Variants in PRSS23 observed in about 807,000 individuals in gnomAD.
The protein encoded by PRSS23 is protease, serine 23.
In PRSS23, 25 loss-of-function variants were observed where a neutral mutation model predicts 34.7. That is an observed-to-expected ratio of 0.72 (90% CI 0.53 to 1.01). PRSS23 has a LOEUF of 1.01. Ranked by LOEUF, PRSS23 falls within the 50% of genes least tolerant of loss-of-function variation. The probability of loss-of-function intolerance (pLI) is 0.00; values close to 1 mark genes in which losing one functional copy is unlikely to be tolerated. For synonymous variants in PRSS23, 176 were observed against 186.6 expected (o/e 0.94, Z 0.46); for missense variants, 445 against 475.6 (o/e 0.94, Z 0.60).
chr11:86,904,213 G>T (rs530254427), intron 2 of PRSS23, among the ~76,000 whole-genome samples: 2 of 152,252 alleles, frequency 1.3e-5, no homozygotes, highest in Non-Finnish European at 2.9e-5. Flanking sequence ...GACAACATGG[G>T]TGCTGTGTAT....
At chr11:86,952,102 G>T (rs1201894683) in exon 3 of PRSS23, 3 of 1,613,938 alleles carry the variant, frequency 1.9e-6, no homozygotes, top group East Asian at 4.5e-5. Flanking sequence ...AGATATCAGT[G>T]AACTCCTTGG....
chr11:86,919,328 C>T (rs903300298), intron 2 of PRSS23, among the ~76,000 whole-genome samples: 28 of 152,224 alleles, frequency 1.8e-4, no homozygotes, highest in Non-Finnish European at 3.7e-4. Flanking sequence ...CTTTTCTATT[C>T]GGGTATTCAA....
chr11:86,897,993 C>T (rs751076106), intron 2 of PRSS23, among the ~76,000 whole-genome samples: 4 of 152,134 alleles, frequency 2.6e-5, no homozygotes, highest in Non-Finnish European at 5.9e-5. Context: ...GACTCTACTT[C>T]GAATCAGATG....
intron 2 of PRSS23, among the ~76,000 whole-genome samples, chr11:86,848,234 A>G (rs1310856662): frequency 6.6e-6 from 1 of 152,242 alleles, no homozygotes; most frequent in East Asian, 1.9e-4. Context: ...GAGAGATATC[A>G]TGTTACTTCT....
At chr11:86,939,740 G>A (rs1949194549) in intron 2 of PRSS23, among the ~76,000 whole-genome samples, 1 of 145,596 alleles carries the variant, frequency 6.9e-6, no homozygotes, top group Non-Finnish European at 1.5e-5. Context: ...AAATCCAAAA[G>A]GAAGGTCTGT....
intron 1 of PRSS23, among the ~76,000 whole-genome samples, chr11:86,820,773 G>T (rs1221693498): frequency 6.6e-6 from 1 of 152,112 alleles, no homozygotes; most frequent in South Asian, 2.1e-4. Context: ...TACCTCTTTA[G>T]TAAAGGGCTT....
upstream of PRSS23, among the ~76,000 whole-genome samples, chr11:86,797,254 T>C (rs1947987170): frequency 6.6e-6 from 1 of 152,204 alleles, no homozygotes; most frequent in Non-Finnish European, 1.5e-5. Context: ...GGGAGGGAAA[T>C]GGGACGAGTA....
intron 2 of PRSS23, among the ~76,000 whole-genome samples, chr11:86,834,615 A>G (rs1226016493): frequency 2.3e-5 from 2 of 86,612 alleles, no homozygotes; most frequent in African/African-American, 9.4e-5. Context: ...TTCCTTTCCT[A>G]TGACTCCGGC....
intron 2 of PRSS23, among the ~76,000 whole-genome samples, chr11:86,883,017 G>A (rs1417256823): frequency 2.6e-5 from 4 of 152,150 alleles, no homozygotes; most frequent in Admixed American, 2.0e-4. Flanking sequence ...GGAAGTATCT[G>A]TTCATGGCCT....
At chr11:86,820,545 T>A (rs1399263297) in intron 1 of PRSS23, among the ~76,000 whole-genome samples, 1 of 152,202 alleles carries the variant, frequency 6.6e-6, no homozygotes, top group Non-Finnish European at 1.5e-5. Context: ...AAGTATGTTA[T>A]ACTTTATGTA....
intron 2 of PRSS23, among the ~76,000 whole-genome samples, chr11:86,866,017 G>A (rs1234822215): frequency 1.3e-5 from 2 of 152,100 alleles, no homozygotes; most frequent in Non-Finnish European, 2.9e-5. Context: ...CATATTGCTG[G>A]AACAAGAGAC....
rs1422970466 is a variant in PRSS23, at chr11:86,832,799, T to C, written c.206+9206T>C. 4 of 292,830 alleles carry C rather than the reference T, an allele frequency of 1.4e-5. No homozygotes were observed. In the South Asian group the frequency reaches 1.4e-4, roughly 10 times the overall value. The allele number at this position is 292,830 out of a possible 1,614,324, so 18.1% of individuals were successfully genotyped here. The stretch of plus-strand genomic sequence containing the variant: ...ACTCAGCATGGAGGAAACAATTTTA[T>C]AGTAAGAGAAAATGATCCGTGAGAT... On this transcript the variant is annotated intron_variant, in intron 2 of 2. Transcript: ENST00000533902.
chr11:86,854,157 C>T (rs191239741), intron 2 of PRSS23, among the ~76,000 whole-genome samples: 3 of 152,254 alleles, frequency 2.0e-5, no homozygotes, highest in African/African-American at 7.2e-5. Flanking sequence ...TCTGCCACCA[C>T]GCCTGGCTAA....
At chr11:86,913,763 C>A (rs912939798) in intron 2 of PRSS23, among the ~76,000 whole-genome samples, 1 of 151,300 alleles carries the variant, frequency 6.6e-6, no homozygotes, top group African/African-American at 2.5e-5. Context: ...AGAGGGGAGG[C>A]AATGATCTTG....
At chr11:86,943,725 T>C (rs1949221462) in intron 2 of PRSS23, among the ~76,000 whole-genome samples, 1 of 152,152 alleles carries the variant, frequency 6.6e-6, no homozygotes, top group African/African-American at 2.4e-5. Flanking sequence ...ACAAACTGGG[T>C]GGCCAAAGGC....
intron 2 of PRSS23, chr11:86,947,011 C>T (rs1042118051): frequency 1.3e-5 from 2 of 152,344 alleles, no homozygotes; most frequent in African/African-American, 4.8e-5. Flanking sequence ...CGAGACCAGC[C>T]TGGCCAACAC....
chr11:86,911,163 T>A (rs1170104002), intron 2 of PRSS23: 1 of 152,092 alleles, frequency 6.6e-6, no homozygotes, highest in Admixed American at 6.6e-5. Flanking sequence ...AGTTTCATGA[T>A]TAGATGAATA....
chr11:86,929,467 ACCT>A (rs1404115661), intron 2 of PRSS23, among the ~76,000 whole-genome samples: 4 of 151,990 alleles, frequency 2.6e-5, no homozygotes, highest in Non-Finnish European at 4.4e-5. Flanking sequence ...ACATGGCGAA[ACCT>A]CATCTCTACT....
chr11:86,905,715 C>T (rs2134988046), intron 2 of PRSS23, among the ~76,000 whole-genome samples: 1 of 152,266 alleles, frequency 6.6e-6, no homozygotes, highest in East Asian at 1.9e-4. Flanking sequence ...GCTGAGTTTG[C>T]TGTCAAGCTT....
Sources: allele counts gnomAD v4.1 joint callset (sites outside exome capture counted in the v4.1 genomes callset), GRCh38; gene constraint gnomAD v4.1.1; transcripts MANE v1.5; gene names NCBI Gene and HGNC (gene_info 2026-07-23, HGNC 2026-07-21).